The following WDR4 variants were observed in gnomAD, a reference collection of about 807,000 sequenced individuals.
WDR4 encodes tRNA (guanine-N(7)-)-methyltransferase non-catalytic subunit WDR4.
A neutral mutation model predicts 48.6 loss-of-function variants in WDR4; 47 were observed. That is an observed-to-expected ratio of 0.97 (90% CI 0.77 to 1.23). The LOEUF is 1.23. Among genes scored for constraint, WDR4 ranks in the 50% most tolerant of loss-of-function variants. WDR4 has a pLI of 0.00. For synonymous variants in WDR4, 268 were observed against 230.0 expected (o/e 1.17, Z -1.49); for missense variants, 606 against 551.6 (o/e 1.10, Z -0.99).
chr21:42,852,362 G>A, intron 9 of WDR4, 38 bp from the exon 10 acceptor site: 1 of 1,608,642 alleles, frequency 6.2e-7, no homozygotes, highest in Non-Finnish European at 8.5e-7. Context: ...TCAGAAAGAG[G>A]CAGGCCTGGA....
At position 42,850,030 on chromosome 21, in the gene WDR4, A is replaced by G. The variant is rs2145988857; in HGVS notation, c.*19T>C. The G allele has an allele frequency of 1.2e-6, 2 of 1,610,182 alleles. No homozygotes were observed. The highest frequency in any genetic ancestry group is 1.7e-6 in the Non-Finnish European group (2 of 1,179,010). On this transcript the variant is annotated 3_prime_UTR_variant, in exon 11 of 11. Coordinates refer to ENST00000398208, the MANE Select transcript of WDR4 (RefSeq NM_018669.6). ...AGCTTTTCCTAATTTGAGGTGAGAG[A>G]CACCACTGACCGCCACGATCAGCAA...
chr21:42,862,965 G>A lies in WDR4; in HGVS notation c.453+475C>T, dbSNP rs1398916312. Among the ~76,000 whole-genome samples the A allele has an allele frequency of 6.6e-6, 1 of 152,198 alleles. No individual in the cohort carries two copies. Among genetic ancestry groups the A allele is most frequent in the Non-Finnish European group, 1.5e-5 (1 of 68,022 alleles). On this transcript the variant is annotated intron_variant, in intron 4 of 10. Coordinates refer to ENST00000398208, the MANE Select transcript of WDR4 (RefSeq NM_018669.6). The surrounding 1 kb of genome is among the most constrained non-coding windows in gnomAD (Gnocchi z 4.3). ...GGGCACACAGAGTGGGGTGACAGGGGCTGCTGGGAGCAGTGCTGAGGTGAT... is the reference window on the plus strand; with the variant it reads ...GGGCACACAGAGTGGGGTGACAGGGACTGCTGGGAGCAGTGCTGAGGTGAT...
chr21:42,845,998 G>A (rs2057708349), downstream of WDR4, among the ~76,000 whole-genome samples: 1 of 152,060 alleles, frequency 6.6e-6, no homozygotes, highest in Admixed American at 6.6e-5. Flanking sequence ...CCAGCACGCA[G>A]GCACACACCT....
chr21:42,892,020 G>A, the WDR4 span, among the ~76,000 whole-genome samples: 9 of 151,242 alleles, frequency 6.0e-5, no homozygotes, highest in East Asian at 9.8e-4. Context: ...TTGGGAGGCC[G>A]AGACGGGTGG....
chr21:42,859,062 T>C (rs527494514), intron 6 of WDR4, among the ~76,000 whole-genome samples: 14 of 152,190 alleles, frequency 9.2e-5, no homozygotes, highest in African/African-American at 3.4e-4. Context: ...ATCACTAAAC[T>C]GTAAGGCTTC....
the WDR4 span, among the ~76,000 whole-genome samples, chr21:42,885,481 G>A: frequency 5.9e-5 from 9 of 151,924 alleles, no homozygotes; most frequent in South Asian, 4.2e-4. Context: ...ATGGTGGCAC[G>A]TGCCTGTAAT....
intron 6 of WDR4, among the ~76,000 whole-genome samples, chr21:42,856,904 G>A (rs948012918): frequency 6.6e-6 from 1 of 152,008 alleles, no homozygotes; most frequent in Non-Finnish European, 1.5e-5. Flanking sequence ...AGAAAAAGAT[G>A]TTTAATAACC....
In WDR4 at chr21:42,854,592, T is replaced by C. The variant is rs147779866; in HGVS notation, c.761A>G (p.Gln254Arg). 3 of 1,613,760 alleles carry C rather than the reference T, an allele frequency of 1.9e-6. No homozygotes were observed. The highest frequency in any genetic ancestry group is 2.5e-6 in the Non-Finnish European group (3 of 1,179,960). The change falls in exon 8 of 11, where the codon CAG (glutamine) becomes CGG (arginine). Residue 254 changes from glutamine to arginine, a missense_variant. Gln to Arg is a conservative substitution (Grantham distance 43). Transcript: ENST00000398208. ...GCACAGGAGCGCCACGCAGTTCTCC[T>C]GGCACCAGAATGCAATCCTGGACGC... The part of the protein sequence containing the change: ...FAASRIAFWC[Q>R]ENCVALLCDG...
downstream of WDR4, among the ~76,000 whole-genome samples, chr21:42,847,564 G>A (rs1435890761): frequency 6.6e-6 from 1 of 152,192 alleles, no homozygotes; most frequent in African/African-American, 2.4e-5. Context: ...GGAGAGACGC[G>A]GCCCCGTGAG....
Position 42,850,057 on chromosome 21 carries a change from T to C in WDR4, c.1231A>G (p.Ser411Gly). The change falls in exon 11 of 11, where the codon AGT (serine) becomes GGT (glycine). Residue 411 changes from serine to glycine, a missense_variant. Physicochemically the swap from Ser to Gly is moderately conservative, Grantham distance 56. Coordinates refer to ENST00000398208, the MANE Select transcript of WDR4 (RefSeq NM_018669.6). ...KKMRPGEATL[S>G]C is the part of the protein sequence containing the mutation. ...ACCACTGACCGCCACGATCAGCAAC[T>C]TAGCGTCGCCTCCCCCGGTCTCATC... The C allele has an allele frequency of 6.2e-7, 1 of 1,613,818 alleles. No homozygotes were observed. Among genetic ancestry groups the C allele is most frequent in the Non-Finnish European group, 8.5e-7 (1 of 1,179,904 alleles).
chr21:42,867,069 C>A (rs144304618), intron 3 of WDR4, among the ~76,000 whole-genome samples: 1 of 152,108 alleles, frequency 6.6e-6, no homozygotes, highest in Non-Finnish European at 1.5e-5. Context: ...ATTTCCTACA[C>A]GAAGTTATAC....
At chr21:42,845,100 G>A (rs903973544), downstream of WDR4, among the ~76,000 whole-genome samples, 1 of 152,182 alleles carries the variant, frequency 6.6e-6, no homozygotes, top group Non-Finnish European at 1.5e-5. Context: ...ACCGTGTGGG[G>A]GCCACACATA....
the WDR4 span, among the ~76,000 whole-genome samples, chr21:42,885,847 G>A: frequency 1.1e-4 from 17 of 151,940 alleles, no homozygotes; most frequent in African/African-American, 3.9e-4. Context: ...AGGTGTACAT[G>A]ACCATGACCC....
chr21:42,885,614 A>AG, the WDR4 span, among the ~76,000 whole-genome samples: 6 of 151,610 alleles, frequency 4.0e-5, no homozygotes, highest in African/African-American at 1.5e-4. Context: ...CATCAAAAAA[A>AG]AATATATAGA....
At chr21:42,844,256 C>T (rs895487153), downstream of WDR4, among the ~76,000 whole-genome samples, 1 of 152,066 alleles carries the variant, frequency 6.6e-6, no homozygotes, top group Non-Finnish European at 1.5e-5. Flanking sequence ...TTCCAAATTG[C>T]ATAAAAATGA....
At position 42,844,149 on chromosome 21, in the gene WDR4, A is replaced by G. The variant is rs536313089; in HGVS notation, c.*9-868T>C. Reference sequence around the variant, plus strand: ...AAAAATGAAACGCAAACTGAAGAAGATGAGCAGACTCACGGACCCATGAGT... The same window carrying G: ...AAAAATGAAACGCAAACTGAAGAAGGTGAGCAGACTCACGGACCCATGAGT... On this transcript the variant is annotated intron_variant, in intron 11 of 11. Transcript: ENST00000330317. Among the ~76,000 whole-genome samples the G allele has an allele frequency of 1.6e-4, 24 of 152,308 alleles. 1 individual carries two copies. The highest frequency in any genetic ancestry group is 4.1e-4 in the South Asian group (2 of 4,826).
At chr21:42,880,449 T>C (rs2058598555), upstream of WDR4, among the ~76,000 whole-genome samples, 1 of 151,984 alleles carries the variant, frequency 6.6e-6, no homozygotes, top group Non-Finnish European at 1.5e-5. Flanking sequence ...TAATTTTCTC[T>C]CCCGTGCACG....
chr21:42,844,195 G>C (rs1039262525), intron 11 of WDR4, among the ~76,000 whole-genome samples: 1 of 152,120 alleles, frequency 6.6e-6, no homozygotes, highest in African/African-American at 2.4e-5. Flanking sequence ...CAGCCCATTC[G>C]AGTACCTGGG....
downstream of WDR4, among the ~76,000 whole-genome samples, chr21:42,846,016 C>G (rs1469521859): frequency 1.6e-4 from 24 of 152,096 alleles, no homozygotes; most frequent in Non-Finnish European, 5.9e-5. Flanking sequence ...CCTGCAGTCC[C>G]AGCTACTCAG....
Sources: allele counts gnomAD v4.1 joint callset (sites outside exome capture counted in the v4.1 genomes callset), GRCh38; gene constraint gnomAD v4.1.1; non-coding constraint Gnocchi (gnomAD v3.1); transcripts MANE v1.5; gene names NCBI Gene and HGNC (gene_info 2026-07-23, HGNC 2026-07-21).